Variants in SFXN4 observed in about 807,000 individuals in gnomAD.
The protein encoded by SFXN4 is sideroflexin 4.
SFXN4 carries 48 observed loss-of-function variants against 54.6 expected under a neutral mutation model. The observed-to-expected ratio is 0.88, with a 90% CI of 0.70 to 1.12. SFXN4 has a LOEUF of 1.12. Among genes scored for constraint, SFXN4 ranks in the 50% most tolerant of loss-of-function variants. The pLI, the probability that SFXN4 is intolerant of heterozygous loss-of-function variation, is 0.00. For missense variants in SFXN4, 383 were observed against 409.2 expected (o/e 0.94, Z 0.55); for synonymous variants, 130 against 145.5 (o/e 0.89, Z 0.77).
intron 11 of SFXN4, among the ~76,000 whole-genome samples, chr10:119,148,227 CGA>C: frequency 6.6e-6 from 1 of 151,970 alleles, no homozygotes; most frequent in East Asian, 1.9e-4. Flanking sequence ...ACAACTCCTG[CGA>C]GAGACAGGCA....
chr10:119,150,306 T>C (rs1224810186), intron 11 of SFXN4, among the ~76,000 whole-genome samples: 1 of 151,994 alleles, frequency 6.6e-6, no homozygotes, highest in Non-Finnish European at 1.5e-5. Context: ...GAGACGGGGC[T>C]CTCACTGATC....
At chr10:119,151,381 C>CA (rs201088205) in intron 11 of SFXN4, among the ~76,000 whole-genome samples, 31 of 110,684 alleles carry the variant, frequency 2.8e-4, no homozygotes, top group African/African-American at 7.7e-4. Flanking sequence ...AACAAACAAA[C>CA]AAAAAAAAAG....
At chr10:119,155,037 G>C (rs1847223822) in intron 11 of SFXN4, 25 bp downstream of exon 11, 3 of 1,540,598 alleles carry the variant, frequency 1.9e-6, no homozygotes, top group Non-Finnish European at 2.7e-6. Flanking sequence ...AAGGCAAGCA[G>C]CTATAGCTTC....
intron 11 of SFXN4, among the ~76,000 whole-genome samples, chr10:119,148,483 C>A (rs1053908221): frequency 3.3e-5 from 5 of 152,122 alleles, no homozygotes; most frequent in Admixed American, 1.3e-4. Context: ...GGATTTGCCA[C>A]AGAGGTTTGC....
chr10:119,156,037 C>A (rs1288904113), intron 10 of SFXN4, among the ~76,000 whole-genome samples: 1 of 152,196 alleles, frequency 6.6e-6, no homozygotes, highest in Non-Finnish European at 1.5e-5. Flanking sequence ...GCCTCAGTCT[C>A]CTCCTCTGTA....
intron 6 of SFXN4, among the ~76,000 whole-genome samples, chr10:119,158,722 C>G (rs542503709): frequency 6.6e-6 from 1 of 151,996 alleles, no homozygotes; most frequent in South Asian, 2.1e-4. Context: ...ATGGCTCACG[C>G]CTATAATCCC....
At chr10:119,145,010 GA>G (rs1004047389) in intron 13 of SFXN4, among the ~76,000 whole-genome samples, 2 of 151,668 alleles carry the variant, frequency 1.3e-5, no homozygotes, top group African/African-American at 4.8e-5. Flanking sequence ...TTATGCCCCA[GA>G]AAAAAAGGCT....
chr10:119,152,336 A>G (rs560659456), intron 11 of SFXN4, among the ~76,000 whole-genome samples: 5 of 151,724 alleles, frequency 3.3e-5, no homozygotes, highest in Non-Finnish European at 7.4e-5. Flanking sequence ...CTGGAGTGCA[A>G]TGGCACGACT....
In SFXN4 at chr10:119,157,893, C is replaced by G. The variant is rs2133611187; in HGVS notation, c.449G>C (p.Ser150Thr). ...CACGTAACTTCTGTTTCCATTGATGCTGTTGAACGCTGCCATGTAGGCACA... is the reference window on the plus strand; with the variant it reads ...CACGTAACTTCTGTTTCCATTGATGGTGTTGAACGCTGCCATGTAGGCACA... ...FLCAYMAAFN[S>T]INGNRSYTCK... Residue 150 changes from serine to threonine, a missense_variant, in exon 8 of 14, where the codon AGC (serine) becomes ACC (threonine). Physicochemically the swap from Ser to Thr is moderately conservative, Grantham distance 58 (BLOSUM62 1). Transcript: ENST00000355697. The G allele has an allele frequency of 6.2e-7, 1 of 1,614,226 alleles. No individual in the cohort carries two copies. The highest frequency in any genetic ancestry group is 1.1e-5 in the South Asian group (1 of 91,088).
intron 11 of SFXN4, among the ~76,000 whole-genome samples, chr10:119,150,624 G>C (rs4752254): frequency 0.19 from 28,790 of 151,898 alleles, 2,943 homozygotes; most frequent in Admixed American, 0.25. Flanking sequence ...AGCCATGTTC[G>C]TACCATTGCC....
In SFXN4 at chr10:119,141,089, C is replaced by A; in HGVS notation, c.*153G>T. 3.5e-6 allele frequency: 2 copies of A among 575,746 alleles called. No homozygotes were observed. Among genetic ancestry groups the A allele is most frequent in the Admixed American group, 3.2e-5 (1 of 30,828 alleles). 35.7% of individuals were successfully genotyped at this position (575,746 alleles called of 1,614,324 possible). On this transcript the variant is annotated 3_prime_UTR_variant, in exon 14 of 14. Transcript: ENST00000355697. ...CCTTAAAAACCCCAGAGACGCCAGC[C>A]TGGGAACGATCTCAGTATGGAATCT...
intron 3 of SFXN4, among the ~76,000 whole-genome samples, chr10:119,161,436 A>ACAAAAAAAAAAAAAAAAAAAAC (rs1847532027): frequency 2.0e-4 from 24 of 118,482 alleles, no homozygotes; most frequent in South Asian, 3.0e-4. Flanking sequence ...ACAAAAAAAA[A>ACAAAAAAAAAAAAAAAAAAAAC]CAAAAAAAAA....
chr10:119,143,630 A>G (rs113823650), intron 13 of SFXN4, among the ~76,000 whole-genome samples: 35,913 of 151,916 alleles, frequency 0.24, 4,789 homozygotes, highest in African/African-American at 0.35. Flanking sequence ...GGCATGACCC[A>G]CTGTGCCCAG....
chr10:119,142,857 G>A (rs866861674), intron 13 of SFXN4, among the ~76,000 whole-genome samples: 9 of 150,308 alleles, frequency 6.0e-5, no homozygotes, highest in African/African-American at 1.2e-4. Context: ...TCAGCCTCTC[G>A]AGTAGCTGGG....
rs77699382 is a variant in SFXN4 at position 119,165,000 on chromosome 10, T to C, written c.111+537A>G. On this transcript the variant is annotated intron_variant, in intron 1 of 13. Coordinates refer to ENST00000355697, the MANE Select transcript of SFXN4 (RefSeq NM_213649.2). The stretch of plus-strand genomic sequence containing the variant: ...TATTTTGCACCTGCTAGGCTAAATG[T>C]ACTGTATTGTTAAAAATTTCAGCTG... Among the ~76,000 whole-genome samples, 946 of 136,350 alleles carry C rather than the reference T, an allele frequency of 6.9e-3. 16 individuals carry two copies. Among genetic ancestry groups the C allele is most frequent in the African/African-American group, 0.025 (904 of 36,102 alleles). The allele number at this position is 136,350 out of a possible 152,430, so 89.5% of individuals were successfully genotyped here. A position where few individuals can be genotyped will look rare whatever the true frequency, so the allele number is the denominator to read the frequency against.
intron 10 of SFXN4, among the ~76,000 whole-genome samples, chr10:119,156,420 C>G (rs1847281722): frequency 6.6e-6 from 1 of 152,198 alleles, no homozygotes. Flanking sequence ...CAGAGCAAGA[C>G]TCCGTCTCAA....
chr10:119,144,506 T>C (rs1846702558), intron 13 of SFXN4, among the ~76,000 whole-genome samples: 1 of 151,918 alleles, frequency 6.6e-6, no homozygotes, highest in Non-Finnish European at 1.5e-5. Flanking sequence ...GTCTTTGACA[T>C]CTGCTAGCAA....
At chr10:119,142,792 C>T (rs903371467) in intron 13 of SFXN4, among the ~76,000 whole-genome samples, 2 of 142,034 alleles carry the variant, frequency 1.4e-5, no homozygotes, top group African/African-American at 2.6e-5. Flanking sequence ...AGTGCAGTGG[C>T]GCGATCTCGG....
intron 1 of SFXN4, 126 bp downstream of exon 1, chr10:119,165,411 C>A: frequency 1.5e-6 from 2 of 1,337,200 alleles, no homozygotes; most frequent in South Asian, 1.7e-5. Flanking sequence ...CGGCACAACT[C>A]CGAGAGGAGG....
Sources: allele counts gnomAD v4.1 joint callset (sites outside exome capture counted in the v4.1 genomes callset), GRCh38; gene constraint gnomAD v4.1.1; transcripts MANE v1.5; gene names NCBI Gene and HGNC (gene_info 2026-07-23, HGNC 2026-07-21).